The following AFG2B variants were observed in gnomAD, a reference collection of about 807,000 sequenced individuals.
AFG2B encodes the protein ATPase family gene 2 protein homolog B.
At chr15:45,411,625 AT>A in the AFG2B span, among the ~76,000 whole-genome samples, 3 of 152,304 alleles carry the variant, frequency 2.0e-5, no homozygotes, top group Middle Eastern at 3.4e-3. Flanking sequence ...CCTACAAAAA[AT>A]TTTTTTAAAT....
At chr15:45,404,810 A>C in the AFG2B span, among the ~76,000 whole-genome samples, 1 of 117,532 alleles carries the variant, frequency 8.5e-6, no homozygotes, top group African/African-American at 9.1e-5. Flanking sequence ...TGTGTCTCAA[A>C]AAAAAAAAAA....
At chr15:45,419,996 CCA>C in the AFG2B span, among the ~76,000 whole-genome samples, 2 of 84,648 alleles carry the variant, frequency 2.4e-5, no homozygotes, top group African/African-American at 6.9e-5. Flanking sequence ...TCCCCCCCCC[CCA>C]AAAAAAAAAA....
chr15:45,402,669 C>CA, the AFG2B span: 2 of 1,577,934 alleles, frequency 1.3e-6, no homozygotes, highest in Admixed American at 1.8e-5. Context: ...TGTGCGCGAG[C>CA]CCCGGGGCGG....
At chr15:45,417,368 A>C in the AFG2B span, 1 of 1,614,086 alleles carries the variant, frequency 6.2e-7, no homozygotes, top group Non-Finnish European at 8.5e-7. Context: ...AGATTAGATA[A>C]GATCATCTAT....
the AFG2B span, chr15:45,405,407 T>G: frequency 6.2e-7 from 1 of 1,614,176 alleles, no homozygotes; most frequent in South Asian, 1.1e-5. Context: ...TCATGTTGAT[T>G]TGGGCCTTCT....
chr15:45,417,078 G>T, the AFG2B span: 1 of 569,820 alleles, frequency 1.8e-6, no homozygotes. Context: ...ACACAAAGTA[G>T]CTCTTTGGTT....
the AFG2B span, chr15:45,402,617 C>T: frequency 3.4e-4 from 540 of 1,577,000 alleles, 1 homozygote; most frequent in African/African-American, 6.8e-3. Flanking sequence ...ACTGCCTGGC[C>T]TCGGCGGGAC....
chr15:45,415,367 C>T, the AFG2B span, among the ~76,000 whole-genome samples: 2 of 151,872 alleles, frequency 1.3e-5, no homozygotes, highest in South Asian at 2.1e-4. Flanking sequence ...GACGTGGTAG[C>T]GCACCCTATA....
At chr15:45,402,891 A>C in the AFG2B span, 3 of 1,598,446 alleles carry the variant, frequency 1.9e-6, no homozygotes, top group Non-Finnish European at 2.5e-6. Flanking sequence ...TCGCTCCGCC[A>C]GGCGCTCCTG....
the AFG2B span, chr15:45,406,921 T>TA: frequency 1.0e-6 from 1 of 963,140 alleles, no homozygotes; most frequent in South Asian, 1.3e-5. Flanking sequence ...CTTGAAGTTT[T>TA]AAAGTTCTGT....
the AFG2B span, among the ~76,000 whole-genome samples, chr15:45,412,794 T>C: frequency 3.6e-3 from 544 of 152,282 alleles, no homozygotes; most frequent in African/African-American, 0.013. Context: ...TATGGCTACC[T>C]GATAGTGGAT....
At chr15:45,403,104 C>T in the AFG2B span, 268 of 1,519,666 alleles carry the variant, frequency 1.8e-4, no homozygotes, top group Middle Eastern at 2.0e-4. Context: ...ACCCGCGCGC[C>T]CTGACCGCGC....
the AFG2B span, among the ~76,000 whole-genome samples, chr15:45,413,376 G>T: frequency 6.6e-6 from 1 of 152,078 alleles, no homozygotes; most frequent in Non-Finnish European, 1.5e-5. Flanking sequence ...TAACCCCAGG[G>T]ATGTCAAACT....
chr15:45,419,163 G>T, the AFG2B span, among the ~76,000 whole-genome samples: 2 of 152,134 alleles, frequency 1.3e-5, no homozygotes, highest in Non-Finnish European at 2.9e-5. Context: ...AGCGAAAGAA[G>T]TGGGCTAGGC....
the AFG2B span, among the ~76,000 whole-genome samples, chr15:45,416,483 T>G: frequency 6.6e-6 from 1 of 152,234 alleles, no homozygotes; most frequent in Non-Finnish European, 1.5e-5. Flanking sequence ...TCGTTCTCAT[T>G]CTTTTCCTAT....
the AFG2B span, chr15:45,417,503 C>A: frequency 8.0e-7 from 1 of 1,244,270 alleles, no homozygotes; most frequent in Non-Finnish European, 1.1e-6. Context: ...CGCCTTCTTC[C>A]TTGCCTGGTG....
the AFG2B span, among the ~76,000 whole-genome samples, chr15:45,420,011 AAAAC>A: frequency 3.3e-4 from 48 of 144,962 alleles, no homozygotes; most frequent in African/African-American, 1.1e-3. Context: ...AAAAAAAAAA[AAAAC>A]AAAAAACAAA....
At chr15:45,410,328 C>G in the AFG2B span, 1 of 1,591,426 alleles carries the variant, frequency 6.3e-7, no homozygotes, top group Non-Finnish European at 8.6e-7. Flanking sequence ...AAAGACCAAC[C>G]TAATTTTTGG....
At chr15:45,406,342 C>T in the AFG2B span, among the ~76,000 whole-genome samples, 1 of 152,156 alleles carries the variant, frequency 6.6e-6, no homozygotes, top group African/African-American at 2.4e-5. Flanking sequence ...TGTTCTATCA[C>T]TGGTGAAGTT....
Sources: gnomAD v4.1 joint callset for allele counts (sites outside exome capture counted in the v4.1 genomes callset) on GRCh38, gnomAD v4.1.1 for gene constraint, MANE v1.5 for transcripts, NCBI Gene and HGNC (gene_info 2026-07-23, HGNC 2026-07-21) for gene names.